Variants in BRINP2 observed in about 807,000 individuals in gnomAD.
BRINP2 encodes BMP/retinoic acid inducible neural specific 2, also known as BMP/retinoic acid-inducible neural-specific protein 2.
Under a neutral mutation model 69.2 loss-of-function variants are expected in BRINP2, and 21 were observed. The ratio of observed to expected loss-of-function variants is 0.30; its 90% confidence interval spans 0.22 to 0.44. The LOEUF (loss-of-function observed/expected upper bound fraction) is 0.44, where lower values mean the gene tolerates loss of function less well. Ranked by LOEUF, BRINP2 falls within the 20% of genes least tolerant of loss-of-function variation. BRINP2 has a pLI of 1.00. For missense variants in BRINP2, 877 were observed against 986.0 expected (o/e 0.89, Z 1.48); for synonymous variants, 380 against 394.1 (o/e 0.96, Z 0.42).
chr1:177,209,471 C>T (rs1281895274), intron 1 of BRINP2, among the ~76,000 whole-genome samples: 3 of 152,152 alleles, frequency 2.0e-5, no homozygotes, highest in African/African-American at 7.2e-5. Context: ...TCACAGGCTG[C>T]TTGGCCAAGG....
intron 1 of BRINP2, among the ~76,000 whole-genome samples, chr1:177,193,516 T>C (rs966607736): frequency 5.9e-5 from 9 of 152,220 alleles, no homozygotes; most frequent in Admixed American, 2.0e-4. Context: ...CCTGTGGTAA[T>C]TCAATTAGAA....
chr1:177,230,926 T>C (rs540525848), intron 2 of BRINP2, among the ~76,000 whole-genome samples: 2 of 152,366 alleles, frequency 1.3e-5, no homozygotes, highest in South Asian at 4.1e-4. Flanking sequence ...TATCTTTAGA[T>C]AACCCTGGGA....
chr1:177,181,657 G>A lies in BRINP2; in HGVS notation c.-77+9925G>A, dbSNP rs149824736. 2.1e-3 allele frequency among the ~76,000 whole-genome samples: 325 copies of A among 152,340 alleles called. 1 individual carries two copies. Among genetic ancestry groups the A allele is most frequent in the African/African-American group, 7.4e-3 (308 of 41,588 alleles). ...AATGTCTGCCACCCCCTCACTCGGTGTTCAGCCATTTATCATCAATACGTC... is the reference window on the plus strand; with the variant it reads ...AATGTCTGCCACCCCCTCACTCGGTATTCAGCCATTTATCATCAATACGTC... On this transcript the variant is annotated intron_variant, in intron 1 of 7. Transcript: ENST00000361539.
chr1:177,262,255 T>C (rs1650977065), intron 4 of BRINP2, among the ~76,000 whole-genome samples: 1 of 152,198 alleles, frequency 6.6e-6, no homozygotes, highest in South Asian at 2.1e-4. Flanking sequence ...GGCTCATGCC[T>C]GTAATCCTAG....
intron 2 of BRINP2, among the ~76,000 whole-genome samples, chr1:177,251,005 A>G (rs894962261): frequency 6.6e-6 from 1 of 152,248 alleles, no homozygotes; most frequent in Non-Finnish European, 1.5e-5. Flanking sequence ...TGCCTATCAC[A>G]TACTAAAAAT....
chr1:177,194,028 A>G (rs562437967), intron 1 of BRINP2, among the ~76,000 whole-genome samples: 3 of 152,204 alleles, frequency 2.0e-5, no homozygotes, highest in Non-Finnish European at 4.4e-5. Context: ...GAACTTTTAC[A>G]TAGTATTGTT....
intron 1 of BRINP2, among the ~76,000 whole-genome samples, chr1:177,203,342 T>C (rs1291670098): frequency 6.6e-6 from 1 of 150,936 alleles, no homozygotes; most frequent in Non-Finnish European, 1.5e-5. Flanking sequence ...GTGGGGTTAG[T>C]GGGGAGGGAT....
At position 177,280,414 on chromosome 1, in the gene BRINP2, C is replaced by G; in HGVS notation, c.1238C>G (p.Ser413Cys). Residue 413 changes from serine to cysteine, a missense_variant and splice_region_variant, in exon 8 of 8, where the codon TCC becomes TGC. This residue lies in a region of BRINP2 where 566 missense variants were observed against 625.2 expected (regional missense o/e 0.91). Transcript: ENST00000361539. ...TCATTTTATCTCTGCTCCCCAAGGT[C>G]CTTGTCCTACTGGTGGAACCGAATC... is the stretch of plus-strand genomic sequence containing the variant. ...QPRFRLPKER[S>C]LSYWWNRIQS... The G allele has an allele frequency of 1.9e-6, 3 of 1,602,318 alleles. No homozygotes were observed. The highest frequency in any genetic ancestry group is 2.6e-6 in the Non-Finnish European group (3 of 1,173,994).
At chr1:177,200,293 CAAAAAAAAAAAAAAA>C (rs35619503) in intron 1 of BRINP2, among the ~76,000 whole-genome samples, 11 of 34,794 alleles carry the variant, frequency 3.2e-4, no homozygotes, top group Non-Finnish European at 5.0e-4. Context: ...AACTCTGTCT[CAAAAAAAAAAAAAAA>C]AAAAAAAAAA....
chr1:177,176,712 T>C (rs1648098470), intron 1 of BRINP2, among the ~76,000 whole-genome samples: 1 of 151,988 alleles, frequency 6.6e-6, no homozygotes. Flanking sequence ...CATGTATTTC[T>C]AAAATTTCAA....
chr1:177,273,303 TACTC>T (rs1363769801), intron 4 of BRINP2, among the ~76,000 whole-genome samples, 181 bp from the exon 5 acceptor site: 2 of 152,200 alleles, frequency 1.3e-5, no homozygotes, highest in Non-Finnish European at 1.5e-5. Flanking sequence ...ATGTAACAGA[TACTC>T]ACTGCCTCAG....
At chr1:177,216,471 T>C (rs867164352) in intron 1 of BRINP2, among the ~76,000 whole-genome samples, 1 of 152,126 alleles carries the variant, frequency 6.6e-6, no homozygotes, top group African/African-American at 2.4e-5. Flanking sequence ...TCAGTAACTG[T>C]TGTTATTAAC....
intron 1 of BRINP2, among the ~76,000 whole-genome samples, chr1:177,225,780 A>G (rs903914106): frequency 6.6e-6 from 1 of 152,270 alleles, no homozygotes; most frequent in African/African-American, 2.4e-5. Flanking sequence ...TTTTTAAAAG[A>G]AAGTTTTGAA....
chr1:177,218,104 C>A (rs1649428992), intron 1 of BRINP2, among the ~76,000 whole-genome samples: 1 of 152,170 alleles, frequency 6.6e-6, no homozygotes, highest in Admixed American at 6.5e-5. Flanking sequence ...CCAGGTGTGG[C>A]AGAACTAGTG....
intron 4 of BRINP2, 50 bp from the exon 5 acceptor site, chr1:177,273,438 G>A: frequency 8.0e-7 from 1 of 1,255,290 alleles, no homozygotes. Flanking sequence ...AAGTATAAAG[G>A]GAGTCTCCAC....
At chr1:177,279,577 A>G (rs1345377082) in intron 7 of BRINP2, among the ~76,000 whole-genome samples, 1 of 152,210 alleles carries the variant, frequency 6.6e-6, no homozygotes, top group Non-Finnish European at 1.5e-5. Context: ...CCAGCAACCC[A>G]GTGGTACAGC....
At chr1:177,184,459 C>A (rs972885243) in intron 1 of BRINP2, among the ~76,000 whole-genome samples, 2 of 152,098 alleles carry the variant, frequency 1.3e-5, no homozygotes, top group Non-Finnish European at 2.9e-5. Context: ...CATGACTGAG[C>A]CATCTAGAAG....
Position 177,280,846 on chromosome 1 carries a change from A to G in BRINP2, c.1670A>G (p.Asn557Ser). The G allele has an allele frequency of 6.2e-7, 1 of 1,614,052 alleles. No homozygotes were observed. Among genetic ancestry groups the G allele is most frequent in the Non-Finnish European group, 8.5e-7 (1 of 1,179,958 alleles). The change falls in exon 8 of 8, where the codon AAC becomes AGC. Residue 557 changes from asparagine to serine, a missense_variant. By Grantham distance (46) the Asn-to-Ser change is conservative. Coordinates refer to ENST00000361539, the MANE Select transcript of BRINP2 (RefSeq NM_021165.4). ...RKRMLLTLKS[N>S]KYKPGLVHVM... The stretch of plus-strand genomic sequence containing the variant: ...CGCATGCTGCTCACCCTGAAGAGCA[A>G]CAAGTACAAGCCTGGGCTGGTGCAC...
chr1:177,275,454 T>C (rs139348915), intron 5 of BRINP2, among the ~76,000 whole-genome samples: 5 of 152,294 alleles, frequency 3.3e-5, no homozygotes, highest in Non-Finnish European at 2.9e-5. Context: ...GTCCCAGTTA[T>C]ATAGTATTAG....
Sources: gnomAD v4.1 joint callset for allele counts (sites outside exome capture counted in the v4.1 genomes callset) on GRCh38, gnomAD v4.1.1 for gene constraint, gnomAD v4.1.1 regional missense constraint, MANE v1.5 for transcripts, NCBI Gene and HGNC (gene_info 2026-07-23, HGNC 2026-07-21) for gene names.